DSC2: variants seen among roughly 807,000 people sequenced by gnomAD.
DSC2 encodes desmocollin-2.
Under a neutral mutation model 87.6 loss-of-function variants are expected in DSC2, and 51 were observed. The observed-to-expected ratio is 0.58, with a 90% CI of 0.46 to 0.74. The LOEUF (loss-of-function observed/expected upper bound fraction) is 0.74, where lower values mean the gene tolerates loss of function less well. Ranked by LOEUF, DSC2 falls within the 30% of genes least tolerant of loss-of-function variation. The pLI is 0.00. For missense variants in DSC2, 1,066 were observed against 1,089.5 expected, an observed-to-expected ratio of 0.98 and a Z score of 0.30; for synonymous variants, 383 against 393.2, an observed-to-expected ratio of 0.97 and a Z score of 0.31.
intron 1 of DSC2, among the ~76,000 whole-genome samples, chr18:31,095,136 A>G (rs1264482580): frequency 1.3e-5 from 2 of 152,192 alleles, no homozygotes; most frequent in African/African-American, 4.8e-5. Context: ...TGACAACGAG[A>G]ATACCTGAGC....
At chr18:31,087,595 A>G (rs1354746504) in intron 6 of DSC2, 74 bp downstream of exon 6, 12 of 1,524,444 alleles carry the variant, frequency 7.9e-6, no homozygotes, top group Non-Finnish European at 1.1e-5. Context: ...CTGCTTCTCA[A>G]CGGACATAGT....
At chr18:31,079,530 C>T (rs2144811639) in intron 11 of DSC2, among the ~76,000 whole-genome samples, 1 of 152,312 alleles carries the variant, frequency 6.6e-6, no homozygotes, top group African/African-American at 2.4e-5. Context: ...GCTGGGATTA[C>T]AGGCATGAGC....
chr18:31,064,249 G>C lies in DSC2; in HGVS notation c.*3766C>G, dbSNP rs1381694893. The C allele has an allele frequency of 1.3e-5, 2 of 152,110 alleles. No individual in the cohort carries two copies. Among genetic ancestry groups the C allele is most frequent in the African/African-American group, 4.8e-5 (2 of 41,406 alleles). The allele number at this position is 152,110 out of a possible 1,614,324, so 9.4% of individuals were successfully genotyped here. A position where few individuals can be genotyped will look rare whatever the true frequency, so the allele number is the denominator to read the frequency against. ...AGGCATTGTGTGATGTGTTTTACAG[G>C]CATTAGCCCACTCCTTACATCCACC... On this transcript the variant is annotated 3_prime_UTR_variant, in exon 16 of 16. Coordinates refer to ENST00000280904, the MANE Select transcript of DSC2 (RefSeq NM_024422.6).
chr18:31,099,122 T>G (rs1026875273), intron 1 of DSC2, among the ~76,000 whole-genome samples: 2 of 152,240 alleles, frequency 1.3e-5, no homozygotes, highest in Non-Finnish European at 2.9e-5. Context: ...TACAAAGGAC[T>G]ATTGTTCAAT....
intron 9 of DSC2, 33 bp downstream of exon 9, chr18:31,082,205 T>G (rs1215352938): frequency 1.3e-6 from 2 of 1,584,792 alleles, no homozygotes; most frequent in African/African-American, 1.3e-5. Flanking sequence ...TATGATATTA[T>G]AAACTACAAA....
At chr18:31,073,549 C>G (rs546966075) in intron 12 of DSC2, among the ~76,000 whole-genome samples, 3 of 152,206 alleles carry the variant, frequency 2.0e-5, no homozygotes, top group Admixed American at 1.3e-4. Flanking sequence ...CCCTCATAAC[C>G]TTTCTTTTCT....
intron 13 of DSC2, 132 bp from the exon 14 acceptor site, chr18:31,070,982 TTG>T: frequency 8.6e-7 from 1 of 1,157,892 alleles, no homozygotes; most frequent in Non-Finnish European, 1.2e-6. Flanking sequence ...CCTGGATTGC[TTG>T]TGTCAAAGCA....
intron 11 of DSC2, among the ~76,000 whole-genome samples, chr18:31,077,609 T>C (rs1413185795): frequency 1.3e-5 from 2 of 152,222 alleles, no homozygotes; most frequent in African/African-American, 2.4e-5. Context: ...CTGTGTTTCA[T>C]AGCTGTTTTT....
Position 31,059,535 on chromosome 18 carries a change from C to T in DSC2, c.*8480G>A, listed in dbSNP as rs768588388. ...AGATGAAAAGGCTTTTCTTCACAGG[C>T]CTGTAAGCTCCCCAAATTCTAAAGC... On this transcript the variant is annotated 3_prime_UTR_variant, in exon 16 of 16. Coordinates refer to ENST00000280904, the MANE Select transcript of DSC2 (RefSeq NM_024422.6). 2.6e-5 allele frequency: 4 copies of T among 152,146 alleles called. No individual in the cohort carries two copies. The highest frequency in any genetic ancestry group is 2.6e-4 in the Admixed American group (4 of 15,262). 9.4% of individuals were successfully genotyped at this position (152,146 alleles called of 1,614,324 possible). A position where few individuals can be genotyped will look rare whatever the true frequency, so the allele number is the denominator to read the frequency against.
chr18:31,074,917 T>C lies in DSC2; in HGVS notation c.1664-10A>G, dbSNP rs765345210. On this transcript the variant is annotated splice_polypyrimidine_tract_variant and intron_variant, in intron 11 of 15. Coordinates refer to ENST00000280904, the MANE Select transcript of DSC2 (RefSeq NM_024422.6). ...GTACATGTTCTCCCTCCTAGAAAAA[T>C]GAAAATAAAAATAGTTTTTCTATGT... is the stretch of plus-strand genomic sequence containing the variant. The C allele has an allele frequency of 6.2e-7, 1 of 1,607,630 alleles. No individual in the cohort carries two copies. Among genetic ancestry groups the C allele is most frequent in the Non-Finnish European group, 8.5e-7 (1 of 1,176,426 alleles).
At position 31,060,784 on chromosome 18, in the gene DSC2, C is replaced by G. The variant is rs1052210246; in HGVS notation, c.*7231G>C. The stretch of plus-strand genomic sequence containing the variant: ...GCATTCCTACCTTAAGACTATTTCT[C>G]TCGTTCACATGCATGTAGAAAGTAG... On this transcript the variant is annotated 3_prime_UTR_variant, in exon 16 of 16. Transcript: ENST00000280904. 1 of 152,168 alleles carries G rather than the reference C, an allele frequency of 6.6e-6. No homozygotes were observed. Among genetic ancestry groups the G allele is most frequent in the African/African-American group, 2.4e-5 (1 of 41,424 alleles). 9.4% of individuals were successfully genotyped at this position (152,168 alleles called of 1,614,324 possible). A position where few individuals can be genotyped will look rare whatever the true frequency, so the allele number is the denominator to read the frequency against.
chr18:31,083,052 G>A lies in DSC2; in HGVS notation c.951C>T (p.Asp317=), dbSNP rs749810775. The change falls in exon 8 of 16, where the codon GAC becomes GAT. Residue 317 remains aspartate (D), a synonymous_variant. Coordinates refer to ENST00000280904, the MANE Select transcript of DSC2 (RefSeq NM_024422.6). ...TSSQLDRELI[D]KYQLKIKVQD... is the part of the protein sequence containing the mutation. The stretch of plus-strand genomic sequence containing the variant: ...GTACTTTTATTTTCAACTGGTACTT[G>A]TCAATTAACTGAAAACAAAAAAAGA... The A allele has an allele frequency of 1.1e-5, 17 of 1,611,506 alleles. No homozygotes were observed. The African/African-American group carries it at 1.5e-4, about 14-fold the overall frequency.
Position 31,086,748 on chromosome 18 carries a change from G to A in DSC2, c.776-6C>T, listed in dbSNP as rs1317676872. 1.2e-6 allele frequency: 2 copies of A among 1,613,478 alleles called. No individual in the cohort carries two copies. Among genetic ancestry groups the A allele is most frequent in the Non-Finnish European group, 1.7e-6 (2 of 1,179,736 alleles). On this transcript the variant is annotated splice_polypyrimidine_tract_variant and splice_region_variant and intron_variant, in intron 6 of 15. Transcript: ENST00000280904. ...CACTTGTCCCACAGTAGTGCCTAGA[G>A]AAGAAAAGTCCTTTTTAATCTCCAA...
rs1986598211 is a variant in DSC2 at position 31,065,702 on chromosome 18, T to C, written c.*2313A>G. The C allele has an allele frequency of 1.3e-5, 2 of 152,206 alleles. No individual in the cohort carries two copies. Among genetic ancestry groups the C allele is most frequent in the South Asian group, 2.1e-4 (1 of 4,836 alleles). 9.4% of individuals were successfully genotyped at this position (152,206 alleles called of 1,614,324 possible). On this transcript the variant is annotated 3_prime_UTR_variant, in exon 16 of 16. Transcript: ENST00000280904. The stretch of plus-strand genomic sequence containing the variant: ...GAATCTAAAATACACATAATTTTCA[T>C]AGGGTGTTAGAATTAGTGCCCATTT...
intron 12 of DSC2, among the ~76,000 whole-genome samples, chr18:31,073,659 A>G (rs891894984): frequency 2.6e-5 from 4 of 152,202 alleles, no homozygotes; most frequent in African/African-American, 9.7e-5. Context: ...GTGGTTCTAG[A>G]GTCACGAAAG....
rs727504578 is a variant in DSC2, at chr18:31,091,108, G to A, written c.394C>T (p.Arg132Cys). 36 of 1,613,808 alleles carry A rather than the reference G, an allele frequency of 2.2e-5. No homozygotes were observed. Among genetic ancestry groups the A allele is most frequent in the East Asian group, 8.9e-5 (4 of 44,886 alleles). The change falls in exon 4 of 16, where the codon CGC (arginine) becomes TGC (cysteine). Residue 132 changes from arginine (R) to cysteine (C), a missense_variant. Transcript: ENST00000280904. Reference sequence around the variant, plus strand: ...ATTGGAGCCCATCTTCTCTTGGCGCGCCTTAGAACTTTTTCTTTAGTATGT... The same window carrying A: ...ATTGGAGCCCATCTTCTCTTGGCGCACCTTAGAACTTTTTCTTTAGTATGT... ...KRHTKEKVLR[R>C]AKRRWAPIPC... is the part of the protein sequence containing the mutation.
chr18:31,082,184 G>T, intron 9 of DSC2, 54 bp downstream of exon 9: 1 of 1,506,986 alleles, frequency 6.6e-7, no homozygotes, highest in Non-Finnish European at 9.1e-7. Flanking sequence ...TTAAATTCTA[G>T]CATGCTATTC....
chr18:31,096,630 G>T (rs1311757809), intron 1 of DSC2, among the ~76,000 whole-genome samples: 1 of 152,148 alleles, frequency 6.6e-6, no homozygotes, highest in African/African-American at 2.4e-5. Flanking sequence ...GATGCTGACA[G>T]GCACTTGACC....
intron 6 of DSC2, among the ~76,000 whole-genome samples, 197 bp from the exon 7 acceptor site, chr18:31,086,939 A>C (rs929352481): frequency 3.9e-5 from 6 of 152,180 alleles, no homozygotes; most frequent in African/African-American, 1.4e-4. Context: ...GCATTTTCGA[A>C]TTGGGTGATC....
Sources: allele counts gnomAD v4.1 joint callset (sites outside exome capture counted in the v4.1 genomes callset), GRCh38; gene constraint gnomAD v4.1.1; transcripts MANE v1.5; gene names NCBI Gene and HGNC (gene_info 2026-07-23, HGNC 2026-07-21).